Variants in MUSK observed in about 807,000 individuals in gnomAD.
MUSK encodes the protein muscle associated receptor tyrosine kinase.
MUSK carries 55 observed loss-of-function variants against 88.7 expected under a neutral mutation model. That is an observed-to-expected ratio of 0.62 (90% CI 0.50 to 0.78). The LOEUF is 0.78. Among genes scored for constraint, MUSK ranks in the 30% least tolerant of loss-of-function variants. The probability of loss-of-function intolerance (pLI) is 0.00; values close to 1 mark genes in which losing one functional copy is unlikely to be tolerated. For missense variants in MUSK, 1,015 were observed against 1,074.3 expected (o/e 0.94, Z 0.77); for synonymous variants, 387 against 391.9 (o/e 0.99, Z 0.15).
Position 110,747,653 on chromosome 9 carries a change from T to A in MUSK, c.766T>A (p.Ser256Thr), listed in dbSNP as rs1359558361. The change falls in exon 7 of 15, where the codon TCC (serine) becomes ACC (threonine). Residue 256 changes from serine to threonine, a missense_variant. Physicochemically the swap from Ser to Thr is moderately conservative, Grantham distance 58. Transcript: ENST00000374448. ...TTTACTCTGTCAGGTTTCTTCTGGG[T>A]CCATTCAAGAGAGTGTGAAAGACCG... ...IENGNAVSSG[S>T]IQESVKDRVI... 6.2e-7 allele frequency: 1 copy of A among 1,611,712 alleles called. No homozygotes were observed. Among genetic ancestry groups the A allele is most frequent in the Non-Finnish European group, 8.5e-7 (1 of 1,178,148 alleles).
intron 9 of MUSK, chr9:110,775,395 C>T (rs1221362487): frequency 4.2e-6 from 1 of 236,750 alleles, no homozygotes; most frequent in Non-Finnish European, 8.2e-6. Context: ...AAGCTGGAAA[C>T]TGGTTGACAA....
At chr9:110,766,672 T>C (rs943303681) in intron 8 of MUSK, among the ~76,000 whole-genome samples, 3 of 152,212 alleles carry the variant, frequency 2.0e-5, no homozygotes, top group African/African-American at 7.2e-5. Flanking sequence ...ACGTAACAAT[T>C]TTAAAATTTG....
chr9:110,737,781 A>G (rs1423016858), intron 6 of MUSK, among the ~76,000 whole-genome samples: 1 of 152,154 alleles, frequency 6.6e-6, no homozygotes, highest in Non-Finnish European at 1.5e-5. Context: ...TTCTTTCAAA[A>G]CTTCAATCTT....
intron 7 of MUSK, among the ~76,000 whole-genome samples, chr9:110,758,726 A>G (rs1301870582): frequency 6.6e-6 from 1 of 152,224 alleles, no homozygotes; most frequent in Non-Finnish European, 1.5e-5. Context: ...GCAAAGTTTC[A>G]GGGTACAAAA....
intron 1 of MUSK, among the ~76,000 whole-genome samples, chr9:110,672,883 C>T (rs918442709): frequency 2.0e-5 from 3 of 152,132 alleles, no homozygotes; most frequent in Admixed American, 1.3e-4. Flanking sequence ...ATGTCCTTCT[C>T]ATCAAGCAGT....
chr9:110,756,421 T>A (rs898744110), intron 7 of MUSK, among the ~76,000 whole-genome samples: 4 of 151,954 alleles, frequency 2.6e-5, no homozygotes, highest in African/African-American at 9.7e-5. Flanking sequence ...CTTCATAGCA[T>A]CCACTGAACA....
chr9:110,779,588 A>G (rs930887694), intron 11 of MUSK, among the ~76,000 whole-genome samples: 8 of 152,306 alleles, frequency 5.3e-5, no homozygotes, highest in Middle Eastern at 3.4e-3. Flanking sequence ...CTGAACACAA[A>G]GCACAGAACA....
At chr9:110,703,800 A>G (rs2076561305) in intron 5 of MUSK, among the ~76,000 whole-genome samples, 1 of 152,178 alleles carries the variant, frequency 6.6e-6, no homozygotes, top group South Asian at 2.1e-4. Flanking sequence ...TACAGAAAAT[A>G]TGAGAGGCAA....
chr9:110,746,415 C>A (rs141752452), intron 6 of MUSK, among the ~76,000 whole-genome samples: 1 of 152,142 alleles, frequency 6.6e-6, no homozygotes, highest in African/African-American at 2.4e-5. Flanking sequence ...CTAATGACTG[C>A]TCATTTGTTC....
chr9:110,689,164 AT>A (rs1393865463), intron 3 of MUSK, among the ~76,000 whole-genome samples: 1 of 109,166 alleles, frequency 9.2e-6, no homozygotes, highest in African/African-American at 4.1e-5. Flanking sequence ...TAAAATATAA[AT>A]AAACTATATA....
intron 5 of MUSK, among the ~76,000 whole-genome samples, chr9:110,733,127 T>C (rs977021345): frequency 5.3e-5 from 8 of 152,096 alleles, no homozygotes; most frequent in Non-Finnish European, 7.4e-5. Flanking sequence ...CATACTCTAA[T>C]ATTATATTCT....
Position 110,747,631 on chromosome 9 carries a change from A to G in MUSK, c.754-10A>G, listed in dbSNP as rs1328000429. On this transcript the variant is annotated splice_polypyrimidine_tract_variant and intron_variant, in intron 6 of 14. Transcript: ENST00000374448. ...TGACTGAGTTCTTTTATTTTCCTTT[A>G]CTCTGTCAGGTTTCTTCTGGGTCCA... The G allele has an allele frequency of 6.2e-7, 1 of 1,606,100 alleles. No individual in the cohort carries two copies. Among genetic ancestry groups the G allele is most frequent in the Admixed American group, 1.7e-5 (1 of 59,740 alleles).
rs534903497 is a variant in MUSK at position 110,711,355 on chromosome 9, C to A, written c.628+13889C>A. Among the ~76,000 whole-genome samples, 6 of 152,224 alleles carry A rather than the reference C, an allele frequency of 3.9e-5. No homozygotes were observed. In the East Asian group the frequency reaches 1.2e-3, roughly 29 times the overall value. On this transcript the variant is annotated intron_variant, in intron 5 of 14. Coordinates refer to ENST00000374448, the MANE Select transcript of MUSK (RefSeq NM_005592.4). ...AGCCATAGCCTGCACATGATCTGTC[C>A]CTTTTAGTGAACTAAGGTTGACTTG... is the stretch of plus-strand genomic sequence containing the variant.
intron 5 of MUSK, chr9:110,727,586 T>G (rs2076903537): frequency 4.9e-6 from 1 of 205,116 alleles, no homozygotes; most frequent in South Asian, 9.8e-5. Flanking sequence ...TTGTCAACCT[T>G]GGCTAAGTTC....
intron 1 of MUSK, among the ~76,000 whole-genome samples, chr9:110,674,609 G>A (rs1293805464): frequency 3.9e-5 from 6 of 151,964 alleles, no homozygotes; most frequent in Admixed American, 6.6e-5. Context: ...TGATGATGAT[G>A]ATATTATTAT....
At chr9:110,711,776 C>T (rs1002342710) in intron 5 of MUSK, among the ~76,000 whole-genome samples, 3 of 152,214 alleles carry the variant, frequency 2.0e-5, no homozygotes, top group South Asian at 2.1e-4. Context: ...CTCACTTTGT[C>T]GTCAAGAATC....
rs1168716499 is a variant in MUSK, at chr9:110,761,567, CTTTTTTTTTTTTT to C, written c.914-621_914-609del. Among the ~76,000 whole-genome samples, 498 of 52,744 alleles carry C rather than the reference CTTTTTTTTTTTTT, an allele frequency of 9.4e-3. 4 individuals are homozygous for C. Among genetic ancestry groups the C allele is most frequent in the Admixed American group, 0.014 (53 of 3,896 alleles). The allele number at this position is 52,744 out of a possible 152,430, so 34.6% of individuals were successfully genotyped here. A position where few individuals can be genotyped will look rare whatever the true frequency, so the allele number is the denominator to read the frequency against. Reference sequence around the variant, plus strand: ...CTTCTCTGTTAACCTCCACATCTTGCTTTTTTTTTTTTTTTTTTTTTTTTTTGAGACGGAGTCT... The same window carrying C: ...CTTCTCTGTTAACCTCCACATCTTGCTTTTTTTTTTTTTGAGACGGAGTCT... On this transcript the variant is annotated intron_variant, in intron 7 of 14. Coordinates refer to ENST00000374448, the MANE Select transcript of MUSK (RefSeq NM_005592.4).
chr9:110,772,240 T>C (rs2077587027), intron 9 of MUSK, among the ~76,000 whole-genome samples: 1 of 151,686 alleles, frequency 6.6e-6, no homozygotes, highest in African/African-American at 2.4e-5. Flanking sequence ...CTTTCCAGCA[T>C]TTATGTCCCA....
chr9:110,741,484 G>A (rs1186607646), intron 6 of MUSK, among the ~76,000 whole-genome samples: 1 of 152,032 alleles, frequency 6.6e-6, no homozygotes, highest in Non-Finnish European at 1.5e-5. Flanking sequence ...GAAGGAAGTG[G>A]GGAACAAAGT....
Sources: allele counts gnomAD v4.1 joint callset (sites outside exome capture counted in the v4.1 genomes callset), GRCh38; gene constraint gnomAD v4.1.1; transcripts MANE v1.5; gene names NCBI Gene and HGNC (gene_info 2026-07-23, HGNC 2026-07-21).